The following NLGN1 variants were observed in gnomAD, a reference collection of about 807,000 sequenced individuals.
The protein encoded by NLGN1 is neuroligin 1.
In NLGN1, 12 loss-of-function variants were observed where a neutral mutation model predicts 65.5. That is an observed-to-expected ratio of 0.18 (90% CI 0.12 to 0.30). The LOEUF (loss-of-function observed/expected upper bound fraction) is 0.30. Ranked by LOEUF, NLGN1 falls within the 10% of genes least tolerant of loss-of-function variation. The probability of loss-of-function intolerance (pLI) is 1.00; values close to 1 mark genes in which losing one functional copy is unlikely to be tolerated. For missense variants in NLGN1, 750 were observed against 1,007.1 expected (o/e 0.74, Z 3.46); for synonymous variants, 350 against 359.5 (o/e 0.97, Z 0.30).
At chr3:173,742,238 CAAG>C (rs1344983164) in intron 3 of NLGN1, among the ~76,000 whole-genome samples, 4 of 152,048 alleles carry the variant, frequency 2.6e-5, no homozygotes, top group African/African-American at 9.7e-5. Flanking sequence ...ATGGAATTAT[CAAG>C]AAGGACACTG....
At chr3:174,039,682 T>C (rs1731876836) in intron 4 of NLGN1, among the ~76,000 whole-genome samples, 2 of 152,102 alleles carry the variant, frequency 1.3e-5, no homozygotes. Context: ...TATATACGCC[T>C]GAAAAGTGAA....
chr3:173,946,812 A>C (rs1266426646), intron 4 of NLGN1, among the ~76,000 whole-genome samples: 1 of 152,150 alleles, frequency 6.6e-6, no homozygotes, highest in Non-Finnish European at 1.5e-5. Context: ...TCTTTAATTT[A>C]CACTGGCGAG....
intron 4 of NLGN1, among the ~76,000 whole-genome samples, chr3:173,821,138 T>C (rs1720209385): frequency 6.6e-6 from 1 of 152,214 alleles, no homozygotes; most frequent in Non-Finnish European, 1.5e-5. Flanking sequence ...GACTGATTTA[T>C]GTATTGGTAA....
Position 173,645,819 on chromosome 3 carries a change from C to T in NLGN1, c.493+40728C>T, listed in dbSNP as rs937181129. Among the ~76,000 whole-genome samples, 34 of 152,140 alleles carry T rather than the reference C, an allele frequency of 2.2e-4. 1 individual carries two copies. The highest frequency in any genetic ancestry group is 5.8e-4 in the African/African-American group (24 of 41,434). ...TGGAACACCCTTTGTCAGAAAGGAT[C>T]GGTTCTTTCTCTGCCATAATCCCAG... On this transcript the variant is annotated intron_variant, in intron 3 of 6. Transcript: ENST00000457714.
chr3:174,281,349 C>T (rs551897762), exon 7 of NLGN1: 128 of 1,237,904 alleles, frequency 1.0e-4, no homozygotes, highest in Non-Finnish European at 1.2e-4. Context: ...TTGCAGTAAA[C>T]GATCACTGAA....
intron 3 of NLGN1, among the ~76,000 whole-genome samples, chr3:173,630,571 CT>C (rs1353064620): frequency 1.3e-5 from 2 of 151,772 alleles, no homozygotes; most frequent in African/African-American, 4.8e-5. Flanking sequence ...ATCAGATTCA[CT>C]TTTTTTTCAG....
At chr3:173,678,862 T>G (rs987492082) in intron 3 of NLGN1, among the ~76,000 whole-genome samples, 3 of 152,060 alleles carry the variant, frequency 2.0e-5, no homozygotes, top group South Asian at 4.1e-4. Context: ...ATATAGAAAT[T>G]GAAAAGATGG....
At chr3:173,558,274 G>A (rs906705246) in intron 2 of NLGN1, among the ~76,000 whole-genome samples, 5 of 151,940 alleles carry the variant, frequency 3.3e-5, no homozygotes, top group African/African-American at 1.2e-4. Context: ...TCATCACTTT[G>A]AATATTGTAT....
intron 2 of NLGN1, among the ~76,000 whole-genome samples, chr3:173,559,279 C>T (rs1742254211): frequency 6.6e-6 from 1 of 152,154 alleles, no homozygotes; most frequent in African/African-American, 2.4e-5. Context: ...TTTGTTTTAG[C>T]ATATGAGTCT....
chr3:174,127,890 G>C (rs958128428), intron 4 of NLGN1, among the ~76,000 whole-genome samples: 3 of 152,128 alleles, frequency 2.0e-5, no homozygotes, highest in African/African-American at 7.2e-5. Context: ...TAGTGAGCCT[G>C]GTTGTCTGAA....
intron 4 of NLGN1, among the ~76,000 whole-genome samples, chr3:174,040,307 C>T (rs1732001285): frequency 6.6e-6 from 1 of 152,108 alleles, no homozygotes; most frequent in Non-Finnish European, 1.5e-5. Context: ...AGGTCAAGGA[C>T]ATCCTTCAGA....
intron 2 of NLGN1, among the ~76,000 whole-genome samples, chr3:173,513,854 C>T (rs962482528): frequency 1.3e-5 from 2 of 151,796 alleles, no homozygotes; most frequent in Admixed American, 6.6e-5. Flanking sequence ...GGTGAAACCC[C>T]GTCTCTACTA....
intron 2 of NLGN1, among the ~76,000 whole-genome samples, chr3:173,452,369 G>A (rs1162379839): frequency 6.6e-6 from 1 of 151,924 alleles, no homozygotes. Flanking sequence ...TATTTTTTTG[G>A]TAGAGACGGG....
chr3:173,510,869 C>T (rs535089130), intron 2 of NLGN1, among the ~76,000 whole-genome samples: 1 of 152,268 alleles, frequency 6.6e-6, no homozygotes, highest in South Asian at 2.1e-4. Context: ...ATGAAGCATA[C>T]AATTTTCATT....
chr3:173,462,418 C>CT (rs148516795), intron 2 of NLGN1, among the ~76,000 whole-genome samples: 25,251 of 152,120 alleles, frequency 0.17, 2,158 homozygotes, highest in Middle Eastern at 0.26. Flanking sequence ...TTACTACCCC[C>CT]ATCCTCCTCA....
At chr3:173,788,106 A>G (rs1248140940) in intron 3 of NLGN1, among the ~76,000 whole-genome samples, 1 of 150,838 alleles carries the variant, frequency 6.6e-6, no homozygotes, top group Non-Finnish European at 1.5e-5. Context: ...TTTCTCCTTA[A>G]TGAGTATTAT....
intron 4 of NLGN1, among the ~76,000 whole-genome samples, chr3:174,023,319 A>G (rs1158059751): frequency 1.3e-5 from 2 of 152,192 alleles, no homozygotes; most frequent in African/African-American, 4.8e-5. Flanking sequence ...CTAGGCTCAC[A>G]AACCTAGGAT....
At chr3:174,283,133 A>G (rs1334847288) in exon 7 of NLGN1, 1 of 151,596 alleles carries the variant, frequency 6.6e-6, no homozygotes, top group Non-Finnish European at 1.5e-5. Flanking sequence ...TAAAAAAAGA[A>G]AAAAAAGAAA....
intron 4 of NLGN1, among the ~76,000 whole-genome samples, chr3:173,821,670 G>A (rs4894632): frequency 0.13 from 19,303 of 151,874 alleles, 1,399 homozygotes; most frequent in African/African-American, 0.2. Flanking sequence ...TTCATATTTG[G>A]ATTTATTTTT....
Sources: gnomAD v4.1 joint callset for allele counts (sites outside exome capture counted in the v4.1 genomes callset) on GRCh38, gnomAD v4.1.1 for gene constraint, MANE v1.5 for transcripts, NCBI Gene and HGNC (gene_info 2026-07-23, HGNC 2026-07-21) for gene names.